The following DCAF5 variants were observed in gnomAD, a reference collection of about 807,000 sequenced individuals.
DCAF5 encodes the protein DDB1- and CUL4-associated factor 5.
In DCAF5, 9 loss-of-function variants were observed where a neutral mutation model predicts 80.7. The observed-to-expected ratio is 0.11, with a 90% CI of 0.07 to 0.19. The LOEUF is 0.19. Ranked by LOEUF, DCAF5 falls within the 10% of genes least tolerant of loss-of-function variation. DCAF5 has a pLI of 1.00. For missense variants in DCAF5, 842 were observed against 1,205.7 expected (o/e 0.70, Z 4.47); for synonymous variants, 433 against 461.9 (o/e 0.94, Z 0.80).
chr14:69,145,576 C>T (rs2041511886), intron 1 of DCAF5, among the ~76,000 whole-genome samples: 1 of 151,828 alleles, frequency 6.6e-6, no homozygotes. Flanking sequence ...ATTTAAAGGA[C>T]AGGGAATTGA....
Position 69,054,017 on chromosome 14 carries a change from C to A in DCAF5, c.2669G>T (p.Cys890Phe). 6.2e-7 allele frequency: 1 copy of A among 1,612,372 alleles called. No individual in the cohort carries two copies. The highest frequency in any genetic ancestry group is 1.3e-5 in the African/African-American group (1 of 75,012). ...TCTTGTTCCAGCATTGGGGGTCTCA[C>A]AGGCCATTTCAGACCCGCAACAATC... ...HKDCCGSEMACETPNAGTRED... is the reference protein window; with the variant it reads ...HKDCCGSEMAFETPNAGTRED... The change falls in exon 9 of 9, where the codon TGT (cysteine) becomes TTT (phenylalanine). Residue 890 changes from cysteine (C) to phenylalanine (F), a missense_variant. By Grantham distance (205) the Cys-to-Phe change is radical (BLOSUM62 -2). Coordinates refer to ENST00000341516, the MANE Select transcript of DCAF5 (RefSeq NM_003861.3).
At chr14:69,135,994 C>T (rs1256237299) in intron 1 of DCAF5, among the ~76,000 whole-genome samples, 2 of 151,962 alleles carry the variant, frequency 1.3e-5, no homozygotes, top group Non-Finnish European at 2.9e-5. Context: ...GTTTTATATT[C>T]TACATTGCAA....
intron 4 of DCAF5, among the ~76,000 whole-genome samples, chr14:69,117,374 A>C: frequency 6.6e-6 from 1 of 152,208 alleles, no homozygotes; most frequent in East Asian, 1.9e-4. Context: ...CACAGCCCAG[A>C]ATGTAAAATG....
chr14:69,142,723 T>C (rs2041413262), intron 1 of DCAF5, among the ~76,000 whole-genome samples: 1 of 152,240 alleles, frequency 6.6e-6, no homozygotes. Flanking sequence ...TATTCATCTG[T>C]GGCCCAGACA....
intron 4 of DCAF5, among the ~76,000 whole-genome samples, chr14:69,116,964 G>A (rs1349214623): frequency 6.6e-6 from 1 of 152,124 alleles, no homozygotes; most frequent in Non-Finnish European, 1.5e-5. Context: ...AAGACGTGGT[G>A]AAACACAATG....
intron 6 of DCAF5, chr14:69,090,108 T>C: frequency 1.0e-6 from 1 of 985,172 alleles, no homozygotes; most frequent in Non-Finnish European, 1.2e-6. Context: ...GCTCTATTAT[T>C]CAACAAAACA....
chr14:69,083,850 TGAA>T, intron 6 of DCAF5: 1 of 744,374 alleles, frequency 1.3e-6, no homozygotes. Flanking sequence ...AGCCAGATGA[TGAA>T]GATGACAGTG....
chr14:69,064,414 G>A (rs2038351709), intron 7 of DCAF5, among the ~76,000 whole-genome samples: 2 of 152,018 alleles, frequency 1.3e-5, no homozygotes, highest in South Asian at 4.1e-4. Context: ...TAATCCTACT[G>A]CCTCAAAAAG....
At chr14:69,100,251 A>G (rs1337564751) in intron 5 of DCAF5, among the ~76,000 whole-genome samples, 2 of 152,196 alleles carry the variant, frequency 1.3e-5, no homozygotes, top group South Asian at 2.1e-4. Flanking sequence ...ATAAACTTCT[A>G]TAATCAGAAG....
chr14:69,086,624 A>G (rs1310735721), intron 6 of DCAF5, among the ~76,000 whole-genome samples: 1 of 151,628 alleles, frequency 6.6e-6, no homozygotes, highest in East Asian at 1.9e-4. Flanking sequence ...AGTTATTAAA[A>G]AAAAAAAAAA....
chr14:69,113,374 C>G (rs1358723366), intron 5 of DCAF5, among the ~76,000 whole-genome samples: 1 of 152,146 alleles, frequency 6.6e-6, no homozygotes, highest in Non-Finnish European at 1.5e-5. Context: ...CCAAGCAACT[C>G]TTATCCTTTT....
At chr14:69,139,745 G>A (rs2041305017) in intron 1 of DCAF5, among the ~76,000 whole-genome samples, 1 of 151,768 alleles carries the variant, frequency 6.6e-6, no homozygotes, top group South Asian at 2.1e-4. Flanking sequence ...GAACCCAGGA[G>A]GTGGCGACTG....
rs370754916 is a variant in DCAF5, at chr14:69,151,638, C to A, written c.214+1127G>T. 7.2e-5 allele frequency among the ~76,000 whole-genome samples: 11 copies of A among 152,270 alleles called. No individual in the cohort carries two copies. The East Asian group carries it at 1.9e-3, about 27-fold the overall frequency. On this transcript the variant is annotated intron_variant, in intron 1 of 8. Coordinates refer to ENST00000341516, the MANE Select transcript of DCAF5 (RefSeq NM_003861.3). Reference sequence around the variant, plus strand: ...CAGGTTTCGGGGAGCCGCCCCCTAGCCCTCACGTAGGCCCATTCCCACCCG... The same window carrying A: ...CAGGTTTCGGGGAGCCGCCCCCTAGACCTCACGTAGGCCCATTCCCACCCG...
rs773268939 is a variant in DCAF5 at position 69,074,771 on chromosome 14, C to T, written c.946+574G>A. Among the ~76,000 whole-genome samples the T allele has an allele frequency of 4.6e-5, 7 of 152,100 alleles. No individual in the cohort carries two copies. The South Asian group carries it at 8.3e-4, about 18-fold the overall frequency. On this transcript the variant is annotated intron_variant, in intron 7 of 8. Transcript: ENST00000341516. The stretch of plus-strand genomic sequence containing the variant: ...GGTGTGGGCTGGGTGCGGTGGCTCA[C>T]ACCTGTAATGCCAGCACTTTGGGAG...
At chr14:69,141,081 C>G (rs960880523) in intron 1 of DCAF5, among the ~76,000 whole-genome samples, 10 of 142,256 alleles carry the variant, frequency 7.0e-5, no homozygotes, top group African/African-American at 2.6e-4. Context: ...TTGCAGTGAG[C>G]TGAGATCACG....
Position 69,054,685 on chromosome 14 carries a change from G to A in DCAF5, c.2001C>T (p.Leu667=). The change falls in exon 9 of 9, where the codon CTC becomes CTT. Residue 667 remains leucine, a synonymous_variant. Coordinates refer to ENST00000341516, the MANE Select transcript of DCAF5 (RefSeq NM_003861.3). Reference sequence around the variant, plus strand: ...TTGAGTAGGAGATATAAGAGTAGCGGAGCCACTTGTAAGCTTTATAAATTT... The same window carrying A: ...TTGAGTAGGAGATATAAGAGTAGCGAAGCCACTTGTAAGCTTTATAAATTT... The part of the protein sequence containing the change: ...ERKIYKAYKW[L]RYSYISYSNN... 1 of 1,614,242 alleles carries A rather than the reference G, an allele frequency of 6.2e-7. No homozygotes were observed. The highest frequency in any genetic ancestry group is 8.5e-7 in the Non-Finnish European group (1 of 1,180,056).
chr14:69,099,787 A>C (rs79869396), intron 5 of DCAF5, among the ~76,000 whole-genome samples: 2 of 151,830 alleles, frequency 1.3e-5, no homozygotes, highest in Non-Finnish European at 2.9e-5. Context: ...TACAAAAAAA[A>C]AATACAAAAA....
At chr14:69,072,647 G>A (rs984491526) in intron 7 of DCAF5, among the ~76,000 whole-genome samples, 25 of 133,564 alleles carry the variant, frequency 1.9e-4, no homozygotes, top group Admixed American at 2.3e-4. Flanking sequence ...AAAAAAAAAC[G>A]AGAGAAAAGA....
chr14:69,110,877 A>C, intron 5 of DCAF5, among the ~76,000 whole-genome samples: 1 of 27,394 alleles, frequency 3.7e-5, no homozygotes, highest in African/African-American at 1.3e-4. Context: ...ACCCTGTCTC[A>C]AAAAAAAAAA....
Sources: allele counts gnomAD v4.1 joint callset (sites outside exome capture counted in the v4.1 genomes callset), GRCh38; gene constraint gnomAD v4.1.1; transcripts MANE v1.5; gene names NCBI Gene and HGNC (gene_info 2026-07-23, HGNC 2026-07-21).